The following NUP205 variants were observed in gnomAD, a reference collection of about 807,000 sequenced individuals.
NUP205 encodes nuclear pore complex protein Nup205.
Under a neutral mutation model 253.8 loss-of-function variants are expected in NUP205, and 76 were observed. That is an observed-to-expected ratio of 0.30 (90% confidence interval 0.25 to 0.36). The LOEUF (loss-of-function observed/expected upper bound fraction) is 0.36. Among genes scored for constraint, NUP205 ranks in the 10% least tolerant of loss-of-function variants. The pLI is 1.00. For missense variants in NUP205, 2,162 were observed against 2,425.5 expected (o/e 0.89, Z 2.28); for synonymous variants, 832 against 850.1 (o/e 0.98, Z 0.37).
chr7:135,603,121 T>C, intron 18 of NUP205, 127 bp downstream of exon 18: 2 of 602,222 alleles, frequency 3.3e-6, no homozygotes, highest in East Asian at 2.9e-5. Context: ...ACTTTTTTTT[T>C]TTTTTTTTTT....
Position 135,616,599 on chromosome 7 carries a change from T to G in NUP205, c.3461-56T>G, listed in dbSNP as rs1337362490. The G allele has an allele frequency of 1.5e-5, 16 of 1,032,828 alleles. No homozygotes were observed. In the Admixed American group the frequency reaches 1.6e-4, roughly 10 times the overall value. 64.0% of individuals were successfully genotyped at this position (1,032,828 alleles called of 1,614,324 possible). The stretch of plus-strand genomic sequence containing the variant: ...CTTGTGTTTGTTATTTCCAAATAAA[T>G]AGTTTTAAGAGTATGTTCTTCTTTT... On this transcript the variant is annotated intron_variant, in intron 24 of 42. Coordinates refer to ENST00000285968, the MANE Select transcript of NUP205 (RefSeq NM_015135.3).
In NUP205 at chr7:135,598,043, A is replaced by T; in HGVS notation, c.2110A>T (p.Thr704Ser). ...ATCCCGGTGTGAAGAATACCCATTGACTCGGGCCTTTTGCCAGCTTATTAG... is the reference window on the plus strand; with the variant it reads ...ATCCCGGTGTGAAGAATACCCATTGTCTCGGGCCTTTTGCCAGCTTATTAG... ...IESRCEEYPL[T>S]RAFCQLISTL... The change falls in exon 15 of 43, where the codon ACT becomes TCT. Residue 704 changes from threonine to serine, a missense_variant. Physicochemically the swap from Thr to Ser is moderately conservative, Grantham distance 58 (BLOSUM62 1). This residue lies in a region of NUP205 where 892 missense variants were observed against 957.1 expected (regional missense o/e 0.93). Transcript: ENST00000285968. The T allele has an allele frequency of 2.5e-6, 4 of 1,614,022 alleles. No homozygotes were observed. The highest frequency in any genetic ancestry group is 3.4e-6 in the Non-Finnish European group (4 of 1,179,984).
intron 1 of NUP205, among the ~76,000 whole-genome samples, chr7:135,560,625 A>G (rs966737052): frequency 4.6e-5 from 7 of 152,376 alleles, no homozygotes; most frequent in East Asian, 3.9e-4. Context: ...ATACATGCAT[A>G]TATATAGTAT....
At chr7:135,616,183 A>AT (rs543529398) in intron 24 of NUP205, 118 bp downstream of exon 24, 757 of 921,658 alleles carry the variant, frequency 8.2e-4, no homozygotes, top group South Asian at 9.5e-4. Context: ...CACTTTTAGA[A>AT]TTTTTTTTTC....
At chr7:135,563,297 C>T (rs537088222) in intron 1 of NUP205, among the ~76,000 whole-genome samples, 120 of 152,274 alleles carry the variant, frequency 7.9e-4, no homozygotes, top group African/African-American at 2.8e-3. Flanking sequence ...AAGCGATTCT[C>T]CTGCCTCAGC....
chr7:135,612,261 G>C (rs1377364173), intron 22 of NUP205, among the ~76,000 whole-genome samples: 11 of 152,154 alleles, frequency 7.2e-5, no homozygotes, highest in Non-Finnish European at 1.5e-4. Context: ...GAAAATACAG[G>C]CTAGGATTCC....
chr7:135,594,810 A>G (rs905130210), intron 13 of NUP205, 81 bp downstream of exon 13: 11 of 1,081,570 alleles, frequency 1.0e-5, no homozygotes, highest in Admixed American at 2.3e-5. Flanking sequence ...AAGAACATGC[A>G]ATTGGAACTT....
intron 30 of NUP205, 54 bp from the exon 31 acceptor site, chr7:135,622,723 C>T (rs1794500607): frequency 4.7e-6 from 7 of 1,490,154 alleles, no homozygotes; most frequent in Admixed American, 3.7e-5. Context: ...TATAATTACT[C>T]AGTTATTACA....
chr7:135,578,053 T>TA (rs201238624), intron 6 of NUP205, 29 bp downstream of exon 6: 50,502 of 1,496,416 alleles, frequency 0.034, 1,043 homozygotes, highest in Middle Eastern at 0.075. Context: ...TTTCCTACAT[T>TA]AAAAAAATCA....
At chr7:135,585,770 T>G (rs537073030) in intron 8 of NUP205, among the ~76,000 whole-genome samples, 4 of 152,288 alleles carry the variant, frequency 2.6e-5, no homozygotes, top group African/African-American at 9.6e-5. Flanking sequence ...CAGGCTGGTC[T>G]TGAACAGGTG....
intron 1 of NUP205, among the ~76,000 whole-genome samples, chr7:135,570,719 AT>A (rs1444339944): frequency 2.0e-5 from 2 of 102,186 alleles, no homozygotes; most frequent in Non-Finnish European, 3.7e-5. Context: ...AATATAATTA[AT>A]TATATTTATA....
chr7:135,560,860 T>C (rs1345814055), intron 1 of NUP205, among the ~76,000 whole-genome samples: 7 of 152,166 alleles, frequency 4.6e-5, no homozygotes, highest in Non-Finnish European at 1.5e-5. Context: ...GGGCATAGAG[T>C]TTCTGTTTTG....
chr7:135,562,947 G>A lies in NUP205; in HGVS notation c.28+4975G>A, dbSNP rs559673328. Among the ~76,000 whole-genome samples, 8 of 152,136 alleles carry A rather than the reference G, an allele frequency of 5.3e-5. No individual in the cohort carries two copies. In the East Asian group the frequency reaches 9.7e-4, roughly 18 times the overall value. On this transcript the variant is annotated intron_variant, in intron 1 of 42. Coordinates refer to ENST00000285968, the MANE Select transcript of NUP205 (RefSeq NM_015135.3). ...GGCCTTTTGAGTTCTTTGACATGCC[G>A]CATTCCCTCTTGCCATGGAAACCCA...
intron 39 of NUP205, among the ~76,000 whole-genome samples, chr7:135,644,690 C>T (rs1794973462): frequency 6.6e-6 from 1 of 152,152 alleles, no homozygotes; most frequent in South Asian, 2.1e-4. Flanking sequence ...CAAAAGGCAG[C>T]AGATAAATGT....
intron 31 of NUP205, among the ~76,000 whole-genome samples, chr7:135,624,743 A>T (rs1794548270): frequency 6.6e-6 from 1 of 152,016 alleles, no homozygotes. Context: ...CTGCCTCCCT[A>T]AGTGTTGGGA....
intron 1 of NUP205, among the ~76,000 whole-genome samples, chr7:135,559,772 G>A (rs534314205): frequency 6.7e-6 from 1 of 148,304 alleles, no homozygotes; most frequent in Admixed American, 6.8e-5. Flanking sequence ...GCTCACTGCA[G>A]CCTCCACCTC....
intron 22 of NUP205, among the ~76,000 whole-genome samples, chr7:135,608,612 G>A (rs1584670454): frequency 1.3e-5 from 2 of 152,170 alleles, no homozygotes; most frequent in South Asian, 4.1e-4. Context: ...GGAGGCTGGG[G>A]CATGAGAATT....
At chr7:135,646,066 G>A in intron 41 of NUP205, 92 bp from the exon 42 acceptor site, 1 of 827,162 alleles carries the variant, frequency 1.2e-6, no homozygotes, top group East Asian at 2.5e-5. Flanking sequence ...TTTTCATGGT[G>A]CTATTGTTAT....
chr7:135,591,734 G>A (rs912642362), intron 11 of NUP205, 134 bp downstream of exon 11: 2 of 731,910 alleles, frequency 2.7e-6, no homozygotes, highest in Middle Eastern at 3.1e-4. Flanking sequence ...ACAATAGGGT[G>A]AAGGAAGCAT....
Sources: allele counts gnomAD v4.1 joint callset (sites outside exome capture counted in the v4.1 genomes callset), GRCh38; gene constraint gnomAD v4.1.1; regional missense constraint gnomAD v4.1.1; transcripts MANE v1.5; gene names NCBI Gene and HGNC (gene_info 2026-07-23, HGNC 2026-07-21).